The following LSAMP variants were observed in gnomAD, a reference collection of about 807,000 sequenced individuals.
LSAMP encodes the protein limbic system associated membrane protein, also known as limbic system-associated membrane protein.
In LSAMP, 7 loss-of-function variants were observed where a neutral mutation model predicts 38.6. That is an observed-to-expected ratio of 0.18 (90% CI 0.10 to 0.34). The LOEUF (loss-of-function observed/expected upper bound fraction) is 0.34. Ranked by LOEUF, LSAMP falls within the 10% of genes least tolerant of loss-of-function variation. The pLI, the probability that LSAMP is intolerant of heterozygous loss-of-function variation, is 1.00. For missense variants in LSAMP, 313 were observed against 420.0 expected (o/e 0.75, Z 2.23); for synonymous variants, 154 against 166.8 (o/e 0.92, Z 0.59).
In LSAMP at chr3:115,808,816, G is replaced by GCT. The variant is rs1258038140; in HGVS notation, c.*1499_*1500dup. ...TGAACTGCTTTTCATTATGGCCAGT[G>GCT]CTCTGTATTAGAGCTCTGACAGTAT... On this transcript the variant is annotated 3_prime_UTR_variant, in exon 7 of 7. Transcript: ENST00000490035. 2.0e-5 allele frequency: 3 copies of GCT among 152,334 alleles called. No homozygotes were observed. The East Asian group carries it at 5.8e-4, about 29-fold the overall frequency. The allele number at this position is 152,334 out of a possible 1,614,324, so 9.4% of individuals were successfully genotyped here.
chr3:116,306,973 G>A (rs975487111), intron 1 of LSAMP, among the ~76,000 whole-genome samples: 1 of 152,002 alleles, frequency 6.6e-6, no homozygotes, highest in Non-Finnish European at 1.5e-5. Context: ...TCTAAAGTAA[G>A]AGTGGGAAAT....
intron 1 of LSAMP, among the ~76,000 whole-genome samples, chr3:116,256,930 C>G (rs776137118): frequency 5.9e-5 from 9 of 152,226 alleles, no homozygotes; most frequent in Non-Finnish European, 1.0e-4. Context: ...AGCTGCTGCA[C>G]TCAGGCACAG....
chr3:115,991,090 T>A (rs1031701929), intron 3 of LSAMP, among the ~76,000 whole-genome samples: 19 of 152,226 alleles, frequency 1.2e-4, no homozygotes, highest in African/African-American at 4.3e-4. Context: ...CTAAACTAGA[T>A]AATCACTTTA....
At chr3:116,063,401 T>C (rs1333883572) in intron 2 of LSAMP, among the ~76,000 whole-genome samples, 2 of 152,174 alleles carry the variant, frequency 1.3e-5, no homozygotes, top group East Asian at 1.9e-4. Context: ...TTCTCATCCA[T>C]TGTCAAAGGC....
chr3:115,997,749 T>TATATATATATAC (rs1553757624), intron 3 of LSAMP, among the ~76,000 whole-genome samples: 1 of 131,902 alleles, frequency 7.6e-6, no homozygotes, highest in African/African-American at 3.0e-5. Context: ...TATATATATA[T>TATATATATATAC]ATATACACAC....
chr3:116,146,102 C>A (rs528443806), intron 1 of LSAMP, among the ~76,000 whole-genome samples: 3 of 151,970 alleles, frequency 2.0e-5, no homozygotes, highest in Non-Finnish European at 4.4e-5. Flanking sequence ...GACTTTTGCT[C>A]CAATTAGCAA....
At chr3:116,127,009 C>T (rs770995106) in intron 1 of LSAMP, among the ~76,000 whole-genome samples, 4 of 152,138 alleles carry the variant, frequency 2.6e-5, no homozygotes, top group Non-Finnish European at 5.9e-5. Context: ...AGAAATCTAA[C>T]GAGAATGAGA....
chr3:116,388,384 T>C (rs2048651683), intron 1 of LSAMP, among the ~76,000 whole-genome samples: 1 of 152,204 alleles, frequency 6.6e-6, no homozygotes, highest in Non-Finnish European at 1.5e-5. Context: ...ATTTTACAGC[T>C]CTGCTCAATT....
intron 6 of LSAMP, among the ~76,000 whole-genome samples, chr3:115,830,748 A>G (rs1167344042): frequency 6.6e-6 from 1 of 152,210 alleles, no homozygotes; most frequent in African/African-American, 2.4e-5. Context: ...GAAATTATTC[A>G]GTGATCTTCA....
chr3:115,811,187 G>A (rs967164382), intron 6 of LSAMP, among the ~76,000 whole-genome samples: 6 of 152,286 alleles, frequency 3.9e-5, no homozygotes, highest in East Asian at 1.9e-4. Context: ...ATGGCCATCC[G>A]TGTTTCCTGC....
chr3:116,440,481 T>C (rs74412782), intron 1 of LSAMP, among the ~76,000 whole-genome samples: 136 of 152,256 alleles, frequency 8.9e-4, no homozygotes, highest in African/African-American at 3.2e-3. Flanking sequence ...CCACATAAAA[T>C]AAAAATCTCC....
chr3:116,125,010 A>G (rs184126631), intron 1 of LSAMP, among the ~76,000 whole-genome samples: 418 of 152,268 alleles, frequency 2.7e-3, no homozygotes, highest in African/African-American at 9.7e-3. Context: ...AGAGTAAGAG[A>G]AGAAATTCGT....
chr3:115,805,950 C>A lies in LSAMP; in HGVS notation c.*4367G>T, dbSNP rs895401851. On this transcript the variant is annotated 3_prime_UTR_variant, in exon 7 of 7. Transcript: ENST00000490035. ...ACTGCATTTTTGTTTCTTATCTCAC[C>A]ATTTTTGTGGTGTGTTTCACATTTG... 6.6e-6 allele frequency: 1 copy of A among 152,114 alleles called. No homozygotes were observed. Among genetic ancestry groups the A allele is most frequent in the Non-Finnish European group, 1.5e-5 (1 of 68,004 alleles). 9.4% of individuals were successfully genotyped at this position (152,114 alleles called of 1,614,324 possible).
intron 1 of LSAMP, among the ~76,000 whole-genome samples, chr3:116,435,253 A>T (rs1263610932): frequency 3.3e-5 from 5 of 152,144 alleles, no homozygotes; most frequent in Non-Finnish European, 5.9e-5. Context: ...TAACTAGGTT[A>T]CCCATCTTGG....
intron 1 of LSAMP, among the ~76,000 whole-genome samples, chr3:116,148,235 CATTA>C (rs919516712): frequency 9.9e-5 from 15 of 151,414 alleles, no homozygotes; most frequent in African/African-American, 3.4e-4. Context: ...TTATTTGATT[CATTA>C]ATTATTTATT....
At chr3:116,208,880 G>A (rs558654978) in intron 1 of LSAMP, among the ~76,000 whole-genome samples, 1 of 152,356 alleles carries the variant, frequency 6.6e-6, no homozygotes, top group East Asian at 1.9e-4. Context: ...CCCCAGAGGT[G>A]GAGCCTACAG....
At chr3:116,151,088 C>T (rs992594481) in intron 1 of LSAMP, among the ~76,000 whole-genome samples, 5 of 151,892 alleles carry the variant, frequency 3.3e-5, no homozygotes, top group African/African-American at 1.2e-4. Flanking sequence ...TTGCCACAGC[C>T]CATTTTAAAC....
intron 1 of LSAMP, among the ~76,000 whole-genome samples, chr3:116,257,259 A>G (rs1437444955): frequency 1.3e-5 from 2 of 152,206 alleles, no homozygotes; most frequent in African/African-American, 4.8e-5. Context: ...AGTATGCCCA[A>G]TCTGTGCATG....
intron 1 of LSAMP, among the ~76,000 whole-genome samples, chr3:116,294,029 T>C (rs964451393): frequency 5.3e-5 from 8 of 152,100 alleles, no homozygotes; most frequent in Non-Finnish European, 1.2e-4. Flanking sequence ...ATTCTCTAGC[T>C]GAAAGGATGA....
Sources: gnomAD v4.1 joint callset for allele counts (sites outside exome capture counted in the v4.1 genomes callset) on GRCh38, gnomAD v4.1.1 for gene constraint, MANE v1.5 for transcripts, NCBI Gene and HGNC (gene_info 2026-07-23, HGNC 2026-07-21) for gene names.